MSRA: variants seen among roughly 807,000 people sequenced by gnomAD.
MSRA encodes the protein mitochondrial peptide methionine sulfoxide reductase.
Under a neutral mutation model 31.3 loss-of-function variants are expected in MSRA, and 54 were observed. The observed-to-expected ratio is 1.73, with a 90% CI of 1.39 to 2.17. The LOEUF (loss-of-function observed/expected upper bound fraction) is 2.17. Ranked by LOEUF, MSRA falls within the 30% of genes most tolerant of loss-of-function variation. The pLI, the probability that MSRA is intolerant of heterozygous loss-of-function variation, is 0.00. For missense variants in MSRA, 507 were observed against 300.9 expected, an observed-to-expected ratio of 1.69 and a Z score of -5.07; for synonymous variants, 169 against 116.5, an observed-to-expected ratio of 1.45 and a Z score of -2.90.
chr8:10,123,193 G>A (rs762684075), intron 1 of MSRA, among the ~76,000 whole-genome samples: 2 of 152,160 alleles, frequency 1.3e-5, no homozygotes, highest in Admixed American at 6.5e-5. Context: ...CATCTGTTAT[G>A]TTTTGACTTT....
intron 5 of MSRA, among the ~76,000 whole-genome samples, chr8:10,371,776 G>A (rs1211701817): frequency 1.3e-5 from 2 of 152,164 alleles, no homozygotes; most frequent in Non-Finnish European, 2.9e-5. Flanking sequence ...TCTCCGCTGT[G>A]CCTAAGAGGA....
chr8:10,059,592 G>A (rs1413069829), intron 1 of MSRA, among the ~76,000 whole-genome samples: 4 of 152,062 alleles, frequency 2.6e-5, no homozygotes, highest in Non-Finnish European at 5.9e-5. Context: ...CTTGAAAATC[G>A]GAAAACGTAA....
chr8:10,212,767 G>A (rs1809620669), intron 2 of MSRA, among the ~76,000 whole-genome samples: 1 of 152,004 alleles, frequency 6.6e-6, no homozygotes, highest in Non-Finnish European at 1.5e-5. Flanking sequence ...TTGGAGGTGG[G>A]GCTATGTAGC....
chr8:10,247,611 C>T (rs747186752), intron 3 of MSRA, among the ~76,000 whole-genome samples: 1 of 152,124 alleles, frequency 6.6e-6, no homozygotes, highest in Non-Finnish European at 1.5e-5. Context: ...AGTATGGAAA[C>T]CACAGAGACT....
intron 1 of MSRA, among the ~76,000 whole-genome samples, chr8:10,059,640 A>G (rs1434356035): frequency 6.6e-6 from 1 of 152,232 alleles, no homozygotes; most frequent in Non-Finnish European, 1.5e-5. Context: ...AAAAAGACTG[A>G]TAAATTAGAT....
At chr8:10,227,313 G>T (rs552888350) in intron 2 of MSRA, among the ~76,000 whole-genome samples, 1 of 152,284 alleles carries the variant, frequency 6.6e-6, no homozygotes, top group Non-Finnish European at 1.5e-5. Flanking sequence ...TAGAGTGAAG[G>T]AAGAAACATA....
At chr8:10,426,980 T>TCAAGATCCTCGATCGGCCC (rs56253110) in intron 5 of MSRA, among the ~76,000 whole-genome samples, 4 of 152,194 alleles carry the variant, frequency 2.6e-5, no homozygotes, top group South Asian at 2.1e-4. Context: ...CTGCTGGGCC[T>TCAAGATCCTCGATCGGCCC]TCTGCTGGCT....
At chr8:10,161,022 G>T (rs1471533641) in intron 1 of MSRA, among the ~76,000 whole-genome samples, 1 of 152,160 alleles carries the variant, frequency 6.6e-6, no homozygotes, top group Admixed American at 6.5e-5. Context: ...AAATGAATAA[G>T]GCGAGAGCCT....
chr8:10,345,219 G>A (rs1368479975), intron 5 of MSRA, among the ~76,000 whole-genome samples: 2 of 152,224 alleles, frequency 1.3e-5, no homozygotes, highest in Non-Finnish European at 2.9e-5. Flanking sequence ...TGAGGATGGG[G>A]ACTGCCCCTC....
Position 10,114,425 on chromosome 8 carries a change from A to G in MSRA, c.142+59767A>G, listed in dbSNP as rs1314610079. On this transcript the variant is annotated intron_variant, in intron 1 of 5. Transcript: ENST00000317173. ...AAGAATGTCCAAACTGTTTTTCACA[A>G]TAGCTGCATCATTTTACTTTGCTAC... Among the ~76,000 whole-genome samples the G allele has an allele frequency of 2.0e-5, 3 of 152,348 alleles. No individual in the cohort carries two copies. In the East Asian group the frequency reaches 5.8e-4, roughly 29 times the overall value.
intron 4 of MSRA, among the ~76,000 whole-genome samples, chr8:10,307,460 C>T (rs1022711257): frequency 6.6e-6 from 1 of 152,156 alleles, no homozygotes; most frequent in African/African-American, 2.4e-5. Flanking sequence ...GCCACTGCGC[C>T]CAGCTGGGGT....
At chr8:10,321,406 G>T (rs1397364393) in intron 5 of MSRA, among the ~76,000 whole-genome samples, 1 of 152,080 alleles carries the variant, frequency 6.6e-6, no homozygotes, top group Non-Finnish European at 1.5e-5. Flanking sequence ...GTGACTCAAG[G>T]TCAGTTCGAC....
chr8:10,167,266 G>T (rs1453154756), intron 1 of MSRA, among the ~76,000 whole-genome samples: 11 of 152,188 alleles, frequency 7.2e-5, no homozygotes, highest in Admixed American at 7.2e-4. Flanking sequence ...CTGGAGATTG[G>T]TGTCCAAAGG....
At chr8:10,103,711 A>T (rs1186053484) in intron 1 of MSRA, among the ~76,000 whole-genome samples, 1 of 152,106 alleles carries the variant, frequency 6.6e-6, no homozygotes, top group African/African-American at 2.4e-5. Flanking sequence ...ATATATATAT[A>T]TATTTAAAAT....
intron 2 of MSRA, among the ~76,000 whole-genome samples, chr8:10,225,837 G>A (rs1810953254): frequency 6.6e-6 from 1 of 152,200 alleles, no homozygotes; most frequent in African/African-American, 2.4e-5. Context: ...TCTACCGGGT[G>A]CCAAGCCATG....
intron 1 of MSRA, among the ~76,000 whole-genome samples, chr8:10,057,727 T>C (rs1365850142): frequency 1.3e-5 from 2 of 152,208 alleles, no homozygotes; most frequent in East Asian, 3.9e-4. Context: ...TTGCGCTCTC[T>C]CGTTCTCTCC....
chr8:10,176,265 G>A (rs1030335443), intron 1 of MSRA, among the ~76,000 whole-genome samples: 2 of 152,224 alleles, frequency 1.3e-5, no homozygotes, highest in African/African-American at 2.4e-5. Context: ...CCTCAAATCT[G>A]TCCTTTTTAA....
chr8:10,420,954 G>A (rs189261186), intron 5 of MSRA, among the ~76,000 whole-genome samples: 102 of 151,104 alleles, frequency 6.8e-4, no homozygotes, highest in Middle Eastern at 3.5e-3. Flanking sequence ...CCCTGATCAC[G>A]CCACTGCACT....
intron 5 of MSRA, among the ~76,000 whole-genome samples, chr8:10,321,481 C>T (rs904058588): frequency 2.0e-5 from 3 of 152,096 alleles, no homozygotes; most frequent in East Asian, 1.9e-4. Flanking sequence ...GCCCCTCCCA[C>T]CTCCCTCCCA....
Sources: gnomAD v4.1 joint callset for allele counts (sites outside exome capture counted in the v4.1 genomes callset) on GRCh38, gnomAD v4.1.1 for gene constraint, MANE v1.5 for transcripts, NCBI Gene and HGNC (gene_info 2026-07-23, HGNC 2026-07-21) for gene names.